ADGRB3: variants seen among roughly 807,000 people sequenced by gnomAD.
ADGRB3 encodes brain-specific angiogenesis inhibitor 3.
A neutral mutation model predicts 193.4 loss-of-function variants in ADGRB3; 37 were observed. That is an observed-to-expected ratio of 0.19 (90% CI 0.15 to 0.25). The LOEUF (loss-of-function observed/expected upper bound fraction) is 0.25, where lower values mean the gene tolerates loss of function less well. Among genes scored for constraint, ADGRB3 ranks in the 10% least tolerant of loss-of-function variants. ADGRB3 has a pLI of 1.00. For missense variants in ADGRB3, 1,637 were observed against 1,852.9 expected (o/e 0.88, Z 2.14); for synonymous variants, 690 against 644.2 (o/e 1.07, Z -1.08).
At position 69,048,228 on chromosome 6, in the gene ADGRB3, C is replaced by A; in HGVS notation, c.2151C>A (p.Asp717Glu). ...TTCCTGCAGCCTCTGTTCTAACAGA[C>A]ATCAACTTTCCAATGAAAGGACGGA... is the stretch of plus-strand genomic sequence containing the variant. ...QKLPAASVLT[D>E]INFPMKGRKG... The change falls in exon 14 of 32, where the codon GAC (aspartate) becomes GAA (glutamate). Residue 717 changes from aspartate to glutamate, a missense_variant. Around this residue, in one of 7 missense-constraint regions of ADGRB3, gnomAD observed 641 missense variants for 673.9 expected, o/e 0.95. Coordinates refer to ENST00000370598, the MANE Select transcript of ADGRB3 (RefSeq NM_001704.3). 6.2e-7 allele frequency: 1 copy of A among 1,613,552 alleles called. No homozygotes were observed. Among genetic ancestry groups the A allele is most frequent in the Non-Finnish European group, 8.5e-7 (1 of 1,179,670 alleles).
intron 28 of ADGRB3, among the ~76,000 whole-genome samples, chr6:69,360,200 T>C (rs1345068537): frequency 2.6e-5 from 4 of 151,928 alleles, no homozygotes; most frequent in Non-Finnish European, 5.9e-5. Context: ...CTGGCAATTT[T>C]AATATTCCCG....
intron 13 of ADGRB3, among the ~76,000 whole-genome samples, chr6:69,022,444 A>T (rs1001595416): frequency 6.6e-6 from 1 of 151,852 alleles, no homozygotes; most frequent in Admixed American, 6.6e-5. Flanking sequence ...TTATTTGAAG[A>T]TTTATTTCAA....
At chr6:68,964,259 C>T (rs940460232) in intron 8 of ADGRB3, among the ~76,000 whole-genome samples, 4 of 152,182 alleles carry the variant, frequency 2.6e-5, no homozygotes, top group Admixed American at 6.5e-5. Flanking sequence ...TGTTCAGTTT[C>T]CCCAAATCTC....
At chr6:68,788,722 T>C (rs896668693) in intron 3 of ADGRB3, among the ~76,000 whole-genome samples, 4 of 152,184 alleles carry the variant, frequency 2.6e-5, no homozygotes, top group Admixed American at 6.5e-5. Context: ...TAACTTTCTG[T>C]CTCTTTGATC....
At chr6:68,762,446 G>A (rs1436324202) in intron 3 of ADGRB3, among the ~76,000 whole-genome samples, 2 of 151,690 alleles carry the variant, frequency 1.3e-5, no homozygotes, top group African/African-American at 2.4e-5. Context: ...TACAGATAAA[G>A]CATCAAAATA....
At chr6:69,221,506 G>A (rs1303286504) in intron 17 of ADGRB3, among the ~76,000 whole-genome samples, 4 of 152,034 alleles carry the variant, frequency 2.6e-5, no homozygotes, top group African/African-American at 7.2e-5. Context: ...TGGAACCTTA[G>A]GACAGTGCTT....
intron 3 of ADGRB3, among the ~76,000 whole-genome samples, chr6:68,858,592 C>CAAAAA (rs11458724): frequency 3.2e-5 from 3 of 93,440 alleles, no homozygotes; most frequent in Non-Finnish European, 4.0e-5. Flanking sequence ...GACCCTGACT[C>CAAAAA]AAAAAAAAAA....
chr6:69,328,679 T>C (rs1225732937), intron 22 of ADGRB3, among the ~76,000 whole-genome samples: 1 of 152,128 alleles, frequency 6.6e-6, no homozygotes, highest in African/African-American at 2.4e-5. Flanking sequence ...ATTGTAAACA[T>C]ACTGAGAGAT....
At chr6:68,945,005 C>G (rs1019551390) in intron 6 of ADGRB3, among the ~76,000 whole-genome samples, 3 of 152,132 alleles carry the variant, frequency 2.0e-5, no homozygotes, top group Admixed American at 2.0e-4. Flanking sequence ...CACCCTCAGT[C>G]CCACTGACCG....
intron 3 of ADGRB3, among the ~76,000 whole-genome samples, chr6:68,724,222 G>T (rs117739174): frequency 0.022 from 3,354 of 151,718 alleles, 65 homozygotes; most frequent in South Asian, 0.07. Context: ...CCAGGGTCAT[G>T]TAGAGGTCAC....
intron 16 of ADGRB3, among the ~76,000 whole-genome samples, chr6:69,073,587 C>G (rs889810934): frequency 1.3e-5 from 2 of 152,150 alleles, no homozygotes; most frequent in Admixed American, 6.5e-5. Flanking sequence ...CCAGTTTCCA[C>G]CCCAGGAGAG....
chr6:69,346,276 C>A (rs1392306371), intron 26 of ADGRB3, among the ~76,000 whole-genome samples: 2 of 152,128 alleles, frequency 1.3e-5, no homozygotes, highest in Non-Finnish European at 2.9e-5. Context: ...GCCTGTATAG[C>A]CAAGACAATC....
At chr6:69,039,289 T>C (rs1770961698) in intron 13 of ADGRB3, among the ~76,000 whole-genome samples, 1 of 151,976 alleles carries the variant, frequency 6.6e-6, no homozygotes, top group African/African-American at 2.4e-5. Context: ...TGCTAAGATC[T>C]ATGATAAGAA....
At chr6:68,675,068 G>T (rs956224388) in intron 3 of ADGRB3, among the ~76,000 whole-genome samples, 1 of 152,116 alleles carries the variant, frequency 6.6e-6, no homozygotes, top group Admixed American at 6.5e-5. Context: ...CGAATAGTGA[G>T]ATTTATTACA....
At chr6:69,112,081 A>G (rs903922486) in intron 17 of ADGRB3, among the ~76,000 whole-genome samples, 8 of 152,238 alleles carry the variant, frequency 5.3e-5, no homozygotes, top group African/African-American at 1.7e-4. Context: ...AAAATCAAGG[A>G]CACAATCAAG....
chr6:68,716,714 G>T (rs1765495198), intron 3 of ADGRB3, among the ~76,000 whole-genome samples: 1 of 151,486 alleles, frequency 6.6e-6, no homozygotes, highest in Non-Finnish European at 1.5e-5. Context: ...CTTACCTTCT[G>T]CCCTGAAAGA....
chr6:68,749,408 A>ATATGTGTG (rs540892508), intron 3 of ADGRB3, among the ~76,000 whole-genome samples: 7,465 of 136,390 alleles, frequency 0.055, 266 homozygotes, highest in Non-Finnish European at 0.081. Context: ...ATATATATAT[A>ATATGTGTG]TGTGTGTGTG....
intron 3 of ADGRB3, among the ~76,000 whole-genome samples, chr6:68,664,814 T>A (rs1023696757): frequency 1.3e-5 from 2 of 151,792 alleles, no homozygotes; most frequent in African/African-American, 4.8e-5. Flanking sequence ...TCCAAATATT[T>A]GTCTGAAATA....
At chr6:68,944,103 A>G (rs755760694) in intron 6 of ADGRB3, 109 bp downstream of exon 6, 5 of 1,224,110 alleles carry the variant, frequency 4.1e-6, no homozygotes, top group East Asian at 4.8e-5. Context: ...ACGTTGGGAA[A>G]TGTGTCCTTT....
Sources: allele counts gnomAD v4.1 joint callset (sites outside exome capture counted in the v4.1 genomes callset), GRCh38; gene constraint gnomAD v4.1.1; regional missense constraint gnomAD v4.1.1; transcripts MANE v1.5; gene names NCBI Gene and HGNC (gene_info 2026-07-23, HGNC 2026-07-21).